MAGI1: variants seen among roughly 807,000 people sequenced by gnomAD.
MAGI1 encodes membrane-associated guanylate kinase, WW and PDZ domain-containing protein 1.
A neutral mutation model predicts 139.9 loss-of-function variants in MAGI1; 58 were observed. That is an observed-to-expected ratio of 0.41 (90% CI 0.34 to 0.52). The LOEUF is 0.52. Among genes scored for constraint, MAGI1 ranks in the 20% least tolerant of loss-of-function variants. The pLI is 0.12. For missense variants in MAGI1, 1,874 were observed against 1,901.6 expected (o/e 0.99, Z 0.27); for synonymous variants, 812 against 737.9 (o/e 1.10, Z -1.63).
intron 7 of MAGI1, among the ~76,000 whole-genome samples, chr3:65,443,544 A>G (rs981417792): frequency 9.8e-5 from 15 of 152,302 alleles, no homozygotes; most frequent in Middle Eastern, 3.4e-3. Context: ...ACCATGCTCT[A>G]CAGAACTTCC....
At chr3:65,784,151 A>G (rs1215486389) in intron 1 of MAGI1, among the ~76,000 whole-genome samples, 1 of 152,074 alleles carries the variant, frequency 6.6e-6, no homozygotes, top group Non-Finnish European at 1.5e-5. Flanking sequence ...AACAAGGAGT[A>G]ATGAGCACAC....
At chr3:65,633,541 C>T (rs2084429309) in intron 1 of MAGI1, among the ~76,000 whole-genome samples, 1 of 152,104 alleles carries the variant, frequency 6.6e-6, no homozygotes, top group East Asian at 1.9e-4. Flanking sequence ...TTCTGCCTGC[C>T]TTCTCTGTTC....
chr3:65,792,436 GT>G (rs2039848005), intron 1 of MAGI1, among the ~76,000 whole-genome samples: 1 of 152,126 alleles, frequency 6.6e-6, no homozygotes, highest in South Asian at 2.1e-4. Flanking sequence ...TCCACCCTGG[GT>G]GACAGAGTAA....
At chr3:65,812,521 T>C (rs2041331146) in intron 1 of MAGI1, among the ~76,000 whole-genome samples, 1 of 150,576 alleles carries the variant, frequency 6.6e-6, no homozygotes, top group Admixed American at 6.7e-5. Context: ...ATTTCAGGAC[T>C]TATTTATCCA....
intron 1 of MAGI1, among the ~76,000 whole-genome samples, chr3:65,882,957 A>C (rs2108535040): frequency 6.6e-6 from 1 of 152,038 alleles, no homozygotes; most frequent in African/African-American, 2.4e-5. Context: ...AAAAAGGAAA[A>C]AAGAAAGGAA....
chr3:65,658,241 T>C (rs535693031), intron 1 of MAGI1, among the ~76,000 whole-genome samples: 1 of 149,528 alleles, frequency 6.7e-6, no homozygotes, highest in South Asian at 2.2e-4. Context: ...TTTTGGGTTC[T>C]AGAGAATGTT....
intron 18 of MAGI1, among the ~76,000 whole-genome samples, chr3:65,374,990 T>C (rs1942361056): frequency 6.6e-6 from 1 of 152,162 alleles, no homozygotes; most frequent in Non-Finnish European, 1.5e-5. Flanking sequence ...AACTTTGATA[T>C]ATTCACTTAT....
rs1428230887 is a variant in MAGI1 at position 65,356,574 on chromosome 3, G to A, written c.4193C>T (p.Ser1398Phe). The part of the protein sequence containing the change: ...RGGSPERRAK[S>F]TDRRRARSPE... ...GGAGCGTGCGCGCCTCCGGTCGGTG[G>A]ACTTGGCCCTGCGCTCGGGCGAGCC... The change falls in exon 23 of 23, where the codon TCC (serine) becomes TTC (phenylalanine). Residue 1398 changes from serine (S) to phenylalanine (F), a missense_variant. Transcript: ENST00000402939. 1 of 1,604,936 alleles carries A rather than the reference G, an allele frequency of 6.2e-7. No individual in the cohort carries two copies. The highest frequency in any genetic ancestry group is 1.3e-5 in the African/African-American group (1 of 74,298).
chr3:65,641,727 G>C (rs907889855), intron 1 of MAGI1, among the ~76,000 whole-genome samples: 1 of 152,152 alleles, frequency 6.6e-6, no homozygotes, highest in Non-Finnish European at 1.5e-5. Flanking sequence ...TTTAAATCGT[G>C]TTTCTGCCTG....
At chr3:65,611,478 TACAC>T (rs1015788896) in intron 2 of MAGI1, among the ~76,000 whole-genome samples, 2 of 145,794 alleles carry the variant, frequency 1.4e-5, no homozygotes, top group Admixed American at 7.0e-5. Flanking sequence ...ATACTATACA[TACAC>T]ACATGTATAC....
At chr3:65,560,467 T>A (rs973924801) in intron 2 of MAGI1, among the ~76,000 whole-genome samples, 1 of 152,222 alleles carries the variant, frequency 6.6e-6, no homozygotes, top group Non-Finnish European at 1.5e-5. Flanking sequence ...GGGAATTTTT[T>A]AAATGTACTC....
At chr3:65,683,158 A>G (rs551243803) in intron 1 of MAGI1, among the ~76,000 whole-genome samples, 1 of 152,322 alleles carries the variant, frequency 6.6e-6, no homozygotes, top group South Asian at 2.1e-4. Context: ...GCCACAGACC[A>G]GTACCACTGT....
intron 1 of MAGI1, among the ~76,000 whole-genome samples, chr3:65,708,604 A>C (rs568421984): frequency 6.6e-6 from 1 of 152,148 alleles, no homozygotes; most frequent in South Asian, 2.1e-4. Context: ...GGTGGTGGGG[A>C]GGAAAGAAAA....
At chr3:65,571,373 T>C (rs2177682) in intron 2 of MAGI1, among the ~76,000 whole-genome samples, 8,248 of 152,148 alleles carry the variant, frequency 0.054, 394 homozygotes, top group African/African-American at 0.12. Context: ...GTATTTTAAA[T>C]GATGAATACA....
chr3:65,364,729 C>G lies in MAGI1; in HGVS notation c.3291-4G>C, dbSNP rs750995452. ...CTGCTTTGGTTTGGTGGTATTCCTG[C>G]CAAAGTGAAAGAAATAAATATAAGA... is the stretch of plus-strand genomic sequence containing the variant. On this transcript the variant is annotated splice_polypyrimidine_tract_variant and splice_region_variant and intron_variant, in intron 19 of 22. Coordinates refer to ENST00000402939, the MANE Select transcript of MAGI1 (RefSeq NM_001033057.2). 3.7e-6 allele frequency: 6 copies of G among 1,613,828 alleles called. No homozygotes were observed. In the South Asian group the frequency reaches 6.6e-5, roughly 18 times the overall value.
chr3:65,647,311 A>C (rs2085322173), intron 1 of MAGI1, among the ~76,000 whole-genome samples: 1 of 152,172 alleles, frequency 6.6e-6, no homozygotes, highest in Non-Finnish European at 1.5e-5. Context: ...CATCCCATAT[A>C]AAATATATAA....
At chr3:65,820,316 G>GAACAAGC (rs893102674) in intron 1 of MAGI1, among the ~76,000 whole-genome samples, 13 of 152,122 alleles carry the variant, frequency 8.5e-5, no homozygotes, top group Non-Finnish European at 1.5e-5. Context: ...TTAGAAGCTT[G>GAACAAGC]TTCATTCATT....
chr3:65,556,037 T>C (rs2080071168), intron 2 of MAGI1, among the ~76,000 whole-genome samples: 1 of 152,192 alleles, frequency 6.6e-6, no homozygotes, highest in African/African-American at 2.4e-5. Context: ...AGAATGTATG[T>C]GTGTTTCTGT....
intron 5 of MAGI1, among the ~76,000 whole-genome samples, chr3:65,459,300 T>C (rs959511921): frequency 6.6e-6 from 1 of 152,322 alleles, no homozygotes; most frequent in South Asian, 2.1e-4. Context: ...CGTGGTTCCA[T>C]ATAAATTTTA....
Sources: allele counts gnomAD v4.1 joint callset (sites outside exome capture counted in the v4.1 genomes callset), GRCh38; gene constraint gnomAD v4.1.1; transcripts MANE v1.5; gene names NCBI Gene and HGNC (gene_info 2026-07-23, HGNC 2026-07-21).